TCF3: variants seen among roughly 807,000 people sequenced by gnomAD.
TCF3 encodes transcription factor E2-alpha.
TCF3 carries 54 observed loss-of-function variants against 72.3 expected under a neutral mutation model. The ratio of observed to expected loss-of-function variants is 0.75; its 90% CI spans 0.60 to 0.94. The LOEUF (loss-of-function observed/expected upper bound fraction) is 0.94, where lower values mean the gene tolerates loss of function less well. Among genes scored for constraint, TCF3 ranks in the 40% least tolerant of loss-of-function variants. The pLI is 0.00. For missense variants in TCF3, 1,078 were observed against 934.4 expected (o/e 1.15, Z -2.00); for synonymous variants, 525 against 412.6 (o/e 1.27, Z -3.30).
At chr19:1,647,082 G>T (rs1352247703) in intron 2 of TCF3, among the ~76,000 whole-genome samples, 1 of 152,216 alleles carries the variant, frequency 6.6e-6, no homozygotes, top group Non-Finnish European at 1.5e-5. Flanking sequence ...CCGGCAGGAA[G>T]CTGGAGGGGC....
rs757623802 is a variant in TCF3 at position 1,619,429 on chromosome 19, G to T, written c.1213C>A (p.Arg405Ser). 6.3e-7 allele frequency: 1 copy of T among 1,591,428 alleles called. No individual in the cohort carries two copies. Among genetic ancestry groups the T allele is most frequent in the Admixed American group, 1.7e-5 (1 of 59,754 alleles). Residue 405 changes from arginine to serine, a missense_variant, in exon 15 of 19, where the codon CGC becomes AGC. Transcript: ENST00000262965. ...DHLDEAIHVL[R>S]SHAVGTAGDM... The stretch of plus-strand genomic sequence containing the variant: ...CCGGCTGTGCCCACGGCGTGGCTGC[G>T]GAGCACGTGGATGGCCTCGTCCAGG...
chr19:1,613,962 G>A (rs992604898), intron 18 of TCF3, among the ~76,000 whole-genome samples: 7 of 152,282 alleles, frequency 4.6e-5, no homozygotes, highest in Non-Finnish European at 8.8e-5. Context: ...CAGCTGGCGA[G>A]CGGGCACTGT....
chr19:1,632,226 C>T, intron 4 of TCF3, 106 bp downstream of exon 4: 1 of 1,546,826 alleles, frequency 6.5e-7, no homozygotes, highest in African/African-American at 1.4e-5. Context: ...CCAGTCCAAA[C>T]CCCTGGAAGG....
chr19:1,630,247 C>A (rs1369463862), intron 5 of TCF3, among the ~76,000 whole-genome samples: 1 of 152,174 alleles, frequency 6.6e-6, no homozygotes, highest in Non-Finnish European at 1.5e-5. Context: ...AGGGGCCACC[C>A]CCGGCAGGGG....
intron 16 of TCF3, among the ~76,000 whole-genome samples, chr19:1,616,035 GA>G (rs1302518406): frequency 6.6e-6 from 1 of 152,220 alleles, no homozygotes; most frequent in Non-Finnish European, 1.5e-5. Context: ...AGATGAAAGG[GA>G]AACAGTTTTA....
At chr19:1,623,026 C>T (rs1201029705) in intron 8 of TCF3, among the ~76,000 whole-genome samples, 5 of 152,000 alleles carry the variant, frequency 3.3e-5, no homozygotes, top group Non-Finnish European at 7.4e-5. Flanking sequence ...GAAAGTGCAC[C>T]CTGGGGAAGG....
At chr19:1,630,224 G>A (rs1176512368) in intron 5 of TCF3, among the ~76,000 whole-genome samples, 2 of 152,138 alleles carry the variant, frequency 1.3e-5, no homozygotes, top group Admixed American at 6.5e-5. Context: ...TGAGGAACCA[G>A]GCTCCCAGGT....
At chr19:1,651,723 G>C (rs1038102909) in intron 1 of TCF3, among the ~76,000 whole-genome samples, 2 of 151,740 alleles carry the variant, frequency 1.3e-5, no homozygotes, top group Admixed American at 6.6e-5. Context: ...CAGGCGGTGC[G>C]GCCCGGGAGC....
At chr19:1,626,743 G>A (rs1277025415) in intron 6 of TCF3, among the ~76,000 whole-genome samples, 6 of 152,310 alleles carry the variant, frequency 3.9e-5, no homozygotes, top group Admixed American at 6.5e-5. Context: ...TGCCCCTGGC[G>A]CAGAGCCTGG....
chr19:1,621,265 C>A, intron 11 of TCF3, 74 bp from the exon 12 acceptor site: 1 of 1,481,120 alleles, frequency 6.8e-7, no homozygotes, highest in Non-Finnish European at 9.1e-7. Flanking sequence ...CTCCTGCGTT[C>A]TGCCGTCCTG....
chr19:1,624,233 T>C (rs986722317), intron 7 of TCF3, among the ~76,000 whole-genome samples: 5 of 152,122 alleles, frequency 3.3e-5, no homozygotes, highest in African/African-American at 1.2e-4. Context: ...CCGTCTCTAC[T>C]GAAAATACAA....
At chr19:1,650,855 C>T (rs1199970870) in intron 1 of TCF3, 11 of 230,714 alleles carry the variant, frequency 4.8e-5, no homozygotes, top group Non-Finnish European at 6.9e-5. Flanking sequence ...AGCTTCAAGA[C>T]TTAAAGTGCC....
chr19:1,646,201 G>A lies in TCF3; in HGVS notation c.145+154C>T, dbSNP rs546975557. ...ACGGGCAACGGCAGCTGATTTCAGG[G>A]GTCTTCAGGCTCGCTGCCCCCGACC... On this transcript the variant is annotated intron_variant, in intron 3 of 18. Coordinates refer to ENST00000262965, the MANE Select transcript of TCF3 (RefSeq NM_003200.5). Among the ~76,000 whole-genome samples the A allele has an allele frequency of 2.7e-3, 406 of 152,250 alleles. 3 individuals carry two copies. The highest frequency in any genetic ancestry group is 4.2e-3 in the Non-Finnish European group (285 of 67,996).
chr19:1,619,026 C>A (rs1204958798), intron 16 of TCF3, 85 bp downstream of exon 16: 5 of 1,583,412 alleles, frequency 3.2e-6, no homozygotes, highest in Non-Finnish European at 4.3e-6. Context: ...CTGCCCTGGG[C>A]TCCCACCCTG....
intron 18 of TCF3, chr19:1,612,084 G>A (rs1423702233): frequency 1.9e-6 from 2 of 1,058,228 alleles, no homozygotes; most frequent in South Asian, 1.7e-5. Flanking sequence ...CTGGGTCTGA[G>A]TCCAGCCACA....
chr19:1,632,062 T>G lies in TCF3; in HGVS notation c.274A>C (p.Thr92Pro). 4.3e-6 allele frequency: 7 copies of G among 1,613,410 alleles called. No homozygotes were observed. Among genetic ancestry groups the G allele is most frequent in the Non-Finnish European group, 5.9e-6 (7 of 1,179,808 alleles). ...TESHSSLSSSTFLGPGLGGKS... is the reference protein window; with the variant it reads ...TESHSSLSSSPFLGPGLGGKS... ...CCTCCGAGTCCCGGTCCCAGGAATG[T>G]GGATGAAGAGAGGCTGCTGTGCGAC... The change falls in exon 5 of 19, where the codon ACA (threonine) becomes CCA (proline). Residue 92 changes from threonine to proline, a missense_variant. Physicochemically the swap from Thr to Pro is conservative, Grantham distance 38. Transcript: ENST00000262965.
At position 1,611,554 on chromosome 19, in the gene TCF3, A is replaced by G; in HGVS notation, c.*153T>C. 1 of 1,135,390 alleles carries G rather than the reference A, an allele frequency of 8.8e-7. No individual in the cohort carries two copies. Among genetic ancestry groups the G allele is most frequent in the Non-Finnish European group, 1.2e-6 (1 of 831,834 alleles). The allele number at this position is 1,135,390 out of a possible 1,614,324, so 70.3% of individuals were successfully genotyped here. A position where few individuals can be genotyped will look rare whatever the true frequency, so the allele number is the denominator to read the frequency against. ...ACCCAGTGTCACCTTGGCCGCCCCC[A>G]TCACTCCGAACCTTGTCAGGTTGGT... On this transcript the variant is annotated 3_prime_UTR_variant, in exon 19 of 19. Coordinates refer to ENST00000262965, the MANE Select transcript of TCF3 (RefSeq NM_003200.5).
chr19:1,649,323 C>T (rs75428938), intron 2 of TCF3, among the ~76,000 whole-genome samples: 10,309 of 152,328 alleles, frequency 0.068, 480 homozygotes, highest in Middle Eastern at 0.13. Context: ...GTTTCATGCC[C>T]GCATCCTCTG....
At chr19:1,641,078 AGGC>A (rs1487896058) in intron 3 of TCF3, among the ~76,000 whole-genome samples, 1 of 147,610 alleles carries the variant, frequency 6.8e-6, no homozygotes, top group Non-Finnish European at 1.5e-5. Flanking sequence ...TGAACTCAGG[AGGC>A]GGAGGCGGAG....
Sources: gnomAD v4.1 joint callset for allele counts (sites outside exome capture counted in the v4.1 genomes callset) on GRCh38, gnomAD v4.1.1 for gene constraint, MANE v1.5 for transcripts, NCBI Gene and HGNC (gene_info 2026-07-23, HGNC 2026-07-21) for gene names.